MAP3K4: variants seen among roughly 807,000 people sequenced by gnomAD.
MAP3K4 encodes the protein MAP three kinase 1.
A neutral mutation model predicts 185.6 loss-of-function variants in MAP3K4; 67 were observed. The observed-to-expected ratio is 0.36, with a 90% confidence interval of 0.30 to 0.44. The LOEUF (loss-of-function observed/expected upper bound fraction) is 0.44, where lower values mean the gene tolerates loss of function less well. Ranked by LOEUF, MAP3K4 falls within the 20% of genes least tolerant of loss-of-function variation. MAP3K4 has a pLI of 1.00. For missense variants in MAP3K4, 1,551 were observed against 1,995.1 expected, an observed-to-expected ratio of 0.78 and a Z score of 4.24; for synonymous variants, 702 against 710.4, an observed-to-expected ratio of 0.99 and a Z score of 0.19.
intron 1 of MAP3K4, among the ~76,000 whole-genome samples, chr6:161,018,001 C>T (rs1782193883): frequency 6.6e-6 from 1 of 152,172 alleles, no homozygotes; most frequent in Non-Finnish European, 1.5e-5. Context: ...GTGACTGTTT[C>T]AGATATTAGA....
rs776052116 is a variant in MAP3K4 at position 161,109,743 on chromosome 6, T to C, written c.4237-12T>C. 1 of 1,614,010 alleles carries C rather than the reference T, an allele frequency of 6.2e-7. No homozygotes were observed. The highest frequency in any genetic ancestry group is 1.3e-5 in the African/African-American group (1 of 74,932). On this transcript the variant is annotated splice_polypyrimidine_tract_variant and intron_variant, in intron 22 of 26. Transcript: ENST00000392142. This position sits in a 1 kb window ranked among gnomAD's most constrained non-coding sequence, Gnocchi z 5.7. Reference sequence around the variant, plus strand: ...ACCGTAAACACAGAGCTGCCCTTTATTCCTCCCACAGGAAGAAATGTACAT... The same window carrying C: ...ACCGTAAACACAGAGCTGCCCTTTACTCCTCCCACAGGAAGAAATGTACAT...
chr6:161,002,514 C>G (rs1215515534), intron 1 of MAP3K4, among the ~76,000 whole-genome samples: 2 of 149,530 alleles, frequency 1.3e-5, no homozygotes, highest in African/African-American at 2.5e-5. Flanking sequence ...TAACCTGTAT[C>G]TATTATGGAA....
At chr6:161,002,050 GTTTTT>G (rs77347524) in intron 1 of MAP3K4, among the ~76,000 whole-genome samples, 3 of 112,460 alleles carry the variant, frequency 2.7e-5, no homozygotes, top group Non-Finnish European at 3.7e-5. Context: ...TAAGAAAAAG[GTTTTT>G]TTTTTTTTTT....
chr6:160,999,904 C>T (rs1227648326), intron 1 of MAP3K4, among the ~76,000 whole-genome samples: 4 of 152,208 alleles, frequency 2.6e-5, no homozygotes, highest in Non-Finnish European at 4.4e-5. Context: ...TAAAACTCAT[C>T]ATCCACAACG....
chr6:161,116,026 G>C lies in MAP3K4; in HGVS notation c.4806+724G>C, dbSNP rs1272506788. On this transcript the variant is annotated intron_variant, in intron 26 of 26. Coordinates refer to ENST00000392142, the MANE Select transcript of MAP3K4 (RefSeq NM_005922.4). The surrounding 1 kb of genome is among the most constrained non-coding windows in gnomAD (Gnocchi z 6.2). ...AGGTTCTGATACAGCCAAGGGGTTG[G>C]GAGAGGGCGTTCCGGGTGAGTGAAC... is the stretch of plus-strand genomic sequence containing the variant. Among the ~76,000 whole-genome samples, 1 of 152,186 alleles carries C rather than the reference G, an allele frequency of 6.6e-6. No individual in the cohort carries two copies. Among genetic ancestry groups the C allele is most frequent in the Non-Finnish European group, 1.5e-5 (1 of 68,034 alleles).
At position 161,073,728 on chromosome 6, in the gene MAP3K4, T is replaced by C; in HGVS notation, c.2097+116T>C. Reference sequence around the variant, plus strand: ...TGGCATACATATTCAGATAAACTTCTCTAGTAATGAATTATAGAAATGATC... The same window carrying C: ...TGGCATACATATTCAGATAAACTTCCCTAGTAATGAATTATAGAAATGATC... On this transcript the variant is annotated intron_variant, in intron 5 of 26. Transcript: ENST00000392142. This position sits in a 1 kb window ranked among gnomAD's most constrained non-coding sequence, Gnocchi z 4.2. The C allele has an allele frequency of 3.8e-6, 4 of 1,043,042 alleles. No individual in the cohort carries two copies. The highest frequency in any genetic ancestry group is 1.8e-5 in the South Asian group (1 of 55,716). 64.6% of individuals were successfully genotyped at this position (1,043,042 alleles called of 1,614,324 possible).
rs569339940 is a variant in MAP3K4 at position 161,067,167 on chromosome 6, G to T, written c.1708-3441G>T. ...GTCCTGACTATGTGTGCCCAAGGTGGTCAGGGCACAGCTTGGTTTTATACA... is the reference window on the plus strand; with the variant it reads ...GTCCTGACTATGTGTGCCCAAGGTGTTCAGGGCACAGCTTGGTTTTATACA... On this transcript the variant is annotated intron_variant, in intron 3 of 26. Coordinates refer to ENST00000392142, the MANE Select transcript of MAP3K4 (RefSeq NM_005922.4). The surrounding 1 kb of genome is among the most constrained non-coding windows in gnomAD (Gnocchi z 6.3). 24 of 318,598 alleles carry T rather than the reference G, an allele frequency of 7.5e-5. No individual in the cohort carries two copies. The East Asian group carries it at 2.3e-3, about 31-fold the overall frequency. 19.7% of individuals were successfully genotyped at this position (318,598 alleles called of 1,614,324 possible). A position where few individuals can be genotyped will look rare whatever the true frequency, so the allele number is the denominator to read the frequency against.
chr6:161,106,429 A>G lies in MAP3K4; in HGVS notation c.3857-85A>G. 1 of 898,878 alleles carries G rather than the reference A, an allele frequency of 1.1e-6. No individual in the cohort carries two copies. Among genetic ancestry groups the G allele is most frequent in the Non-Finnish European group, 1.7e-6 (1 of 584,876 alleles). 55.7% of individuals were successfully genotyped at this position (898,878 alleles called of 1,614,324 possible). On this transcript the variant is annotated intron_variant, in intron 19 of 26. Coordinates refer to ENST00000392142, the MANE Select transcript of MAP3K4 (RefSeq NM_005922.4). The surrounding 1 kb of genome is among the most constrained non-coding windows in gnomAD (Gnocchi z 4.9). ...TTGCTGTAATGGAGTGCTAATATAT[A>G]TTGCTCTATTTTTATTGGTTTGTCT...
intron 1 of MAP3K4, among the ~76,000 whole-genome samples, chr6:161,018,656 T>C (rs1046713282): frequency 6.6e-6 from 1 of 152,066 alleles, no homozygotes; most frequent in African/African-American, 2.4e-5. Flanking sequence ...CAACAGAAAA[T>C]GTATAATATC....
chr6:161,000,805 C>A (rs560321542), intron 1 of MAP3K4, among the ~76,000 whole-genome samples: 2,973 of 143,552 alleles, frequency 0.021, 111 homozygotes, highest in African/African-American at 0.077. Flanking sequence ...ATGTGTACAC[C>A]CATATATACA....
Position 161,116,797 on chromosome 6 carries a change from A to C in MAP3K4, c.4807-53A>C. The C allele has an allele frequency of 6.4e-7, 1 of 1,574,724 alleles. No individual in the cohort carries two copies. The highest frequency in any genetic ancestry group is 8.7e-7 in the Non-Finnish European group (1 of 1,144,630). On this transcript the variant is annotated intron_variant, in intron 26 of 26. Coordinates refer to ENST00000392142, the MANE Select transcript of MAP3K4 (RefSeq NM_005922.4). The surrounding 1 kb of genome is among the most constrained non-coding windows in gnomAD (Gnocchi z 6.2). Reference sequence around the variant, plus strand: ...CGTAAGACTCATACTGCGCGTATGCACAAGCACACACCTGGCTCTGCAAGA... The same window carrying C: ...CGTAAGACTCATACTGCGCGTATGCCCAAGCACACACCTGGCTCTGCAAGA...
At position 161,112,256 on chromosome 6, in the gene MAP3K4, G is replaced by T. The variant is rs1198877475; in HGVS notation, c.4519+298G>T. Among the ~76,000 whole-genome samples, 1 of 152,074 alleles carries T rather than the reference G, an allele frequency of 6.6e-6. No individual in the cohort carries two copies. The highest frequency in any genetic ancestry group is 1.5e-5 in the Non-Finnish European group (1 of 68,022). On this transcript the variant is annotated intron_variant, in intron 24 of 26. Coordinates refer to ENST00000392142, the MANE Select transcript of MAP3K4 (RefSeq NM_005922.4). The surrounding 1 kb of genome is among the most constrained non-coding windows in gnomAD (Gnocchi z 5.1). ...AACTTAAAAAATGTAGACATTGTTT[G>T]TGCTCTGTAATGTGGCTTACCCCGA...
chr6:161,034,116 C>T lies in MAP3K4; in HGVS notation c.153-143C>T. 3.5e-6 allele frequency: 2 copies of T among 576,580 alleles called. No individual in the cohort carries two copies. The highest frequency in any genetic ancestry group is 2.9e-6 in the Non-Finnish European group (1 of 345,424). 35.7% of individuals were successfully genotyped at this position (576,580 alleles called of 1,614,324 possible). A position where few individuals can be genotyped will look rare whatever the true frequency, so the allele number is the denominator to read the frequency against. ...GAAAAGTTCTCCTTTTGAGTTTTCA[C>T]AGGTAAAAATGAGGAGGAGCACAGT... On this transcript the variant is annotated intron_variant, in intron 1 of 26. Coordinates refer to ENST00000392142, the MANE Select transcript of MAP3K4 (RefSeq NM_005922.4). The surrounding 1 kb of genome is among the most constrained non-coding windows in gnomAD (Gnocchi z 4.4).
intron 3 of MAP3K4, among the ~76,000 whole-genome samples, chr6:161,060,429 G>A (rs1025925169): frequency 6.6e-6 from 1 of 152,050 alleles, no homozygotes; most frequent in African/African-American, 2.4e-5. Flanking sequence ...TGTCATTAAT[G>A]TATTGAAGTA....
rs6925800 is a variant in MAP3K4, at chr6:161,077,279, T to C, written c.2098-3602T>C. Among the ~76,000 whole-genome samples, 148,178 of 152,290 alleles carry C rather than the reference T, an allele frequency of 0.97. 72,126 individuals carry two copies. The highest frequency in any genetic ancestry group is 1 in the East Asian group (5,169 of 5,182). ...GTACCTTATTTCTTATTGAAAAAAA[T>C]ATCTACATGTACCCCGGAACTTAAA... On this transcript the variant is annotated intron_variant, in intron 5 of 26. Coordinates refer to ENST00000392142, the MANE Select transcript of MAP3K4 (RefSeq NM_005922.4). This position sits in a 1 kb window ranked among gnomAD's most constrained non-coding sequence, Gnocchi z 4.3.
intron 1 of MAP3K4, among the ~76,000 whole-genome samples, chr6:160,999,936 A>G (rs966971071): frequency 6.6e-6 from 1 of 152,142 alleles, no homozygotes; most frequent in Non-Finnish European, 1.5e-5. Context: ...TGAAACTTTT[A>G]TTTCTTGCTC....
At chr6:160,998,741 T>C (rs752313418) in intron 1 of MAP3K4, among the ~76,000 whole-genome samples, 1 of 152,202 alleles carries the variant, frequency 6.6e-6, no homozygotes, top group Non-Finnish European at 1.5e-5. Flanking sequence ...GTTCTCAACA[T>C]GTATATTGTG....
chr6:161,009,071 G>A (rs1468628866), intron 1 of MAP3K4, among the ~76,000 whole-genome samples: 2 of 148,436 alleles, frequency 1.3e-5, no homozygotes, highest in South Asian at 2.1e-4. Flanking sequence ...CACAACCTCC[G>A]CCTTGCAGGT....
intron 25 of MAP3K4, among the ~76,000 whole-genome samples, chr6:161,113,790 C>CTTTTTTTTTTTTTTTTTTT (rs963260228): frequency 1.4e-5 from 1 of 71,076 alleles, no homozygotes; most frequent in Non-Finnish European, 2.4e-5. Context: ...ATATGAGTGA[C>CTTTTTTTTTTTTTTTTTTT]TTTTTTTTTT....
Sources: allele counts gnomAD v4.1 joint callset (sites outside exome capture counted in the v4.1 genomes callset), GRCh38; gene constraint gnomAD v4.1.1; non-coding constraint Gnocchi (gnomAD v3.1); transcripts MANE v1.5; gene names NCBI Gene and HGNC (gene_info 2026-07-23, HGNC 2026-07-21).